The following ABCA1 variants were observed in gnomAD, a reference collection of about 807,000 sequenced individuals.
ABCA1 encodes phospholipid-transporting ATPase ABCA1.
Under a neutral mutation model 262.5 loss-of-function variants are expected in ABCA1, and 133 were observed. The observed-to-expected ratio is 0.51, with a 90% CI of 0.44 to 0.59. The LOEUF (loss-of-function observed/expected upper bound fraction) is 0.59. ABCA1 is among the 20% of genes least tolerant of loss of function. ABCA1 has a pLI of 0.00. For missense variants in ABCA1, 2,452 were observed against 2,777.5 expected (o/e 0.88, Z 2.63); for synonymous variants, 1,022 against 1,043.5 (o/e 0.98, Z 0.40).
intron 31 of ABCA1, among the ~76,000 whole-genome samples, chr9:104,805,856 G>A (rs1317329910): frequency 6.6e-6 from 1 of 152,222 alleles, no homozygotes; most frequent in East Asian, 1.9e-4. Flanking sequence ...TGTAATCCCA[G>A]CACTTTGGGA....
At chr9:104,915,577 AC>A (rs1486586161) in intron 1 of ABCA1, among the ~76,000 whole-genome samples, 1 of 152,194 alleles carries the variant, frequency 6.6e-6, no homozygotes, top group Non-Finnish European at 1.5e-5. Flanking sequence ...AGAGGATCCT[AC>A]AAAAGGATCT....
chr9:104,874,669 T>G (rs1477998938), intron 5 of ABCA1, among the ~76,000 whole-genome samples: 1 of 152,016 alleles, frequency 6.6e-6, no homozygotes, highest in Non-Finnish European at 1.5e-5. Flanking sequence ...GGCAGGTGGA[T>G]CAACAGGTCA....
In ABCA1 at chr9:104,831,149, T is replaced by TAA. The variant is rs34121951; in HGVS notation, c.1716-50_1716-49dup. 0.069 allele frequency: 62,048 copies of TAA among 905,768 alleles called. 1,512 individuals are homozygous for TAA. Among genetic ancestry groups the TAA allele is most frequent in the East Asian group, 0.25 (6,010 of 24,348 alleles). The allele number at this position is 905,768 out of a possible 1,614,324, so 56.1% of individuals were successfully genotyped here. On this transcript the variant is annotated intron_variant, in intron 13 of 49. Coordinates refer to ENST00000374736, the MANE Select transcript of ABCA1 (RefSeq NM_005502.4). ...CAACCATTCCTTTAGAACCATACAA[T>TAA]AAAAAAAAAAAAAAAAAAAAATTGC...
rs149707413 is a variant in ABCA1 at position 104,829,856 on chromosome 9, T to C, written c.1893-718A>G. 1.6e-3 allele frequency among the ~76,000 whole-genome samples: 245 copies of C among 152,002 alleles called. 4 individuals are homozygous for C. In the East Asian group the frequency reaches 0.021, roughly 13 times the overall value. On this transcript the variant is annotated intron_variant, in intron 14 of 49. Transcript: ENST00000374736. ...AATTTCTGGTGACCTTGAAAAGCTA[T>C]AGATAGCCATACAAGGAAACACACT...
chr9:104,834,296 T>G (rs1490863653), intron 11 of ABCA1, among the ~76,000 whole-genome samples: 1 of 149,562 alleles, frequency 6.7e-6, no homozygotes, highest in East Asian at 2.2e-4. Flanking sequence ...TGGGGGTGGG[T>G]GGAATGGAGG....
At chr9:104,906,512 G>A (rs1841150163) in intron 1 of ABCA1, among the ~76,000 whole-genome samples, 3 of 152,090 alleles carry the variant, frequency 2.0e-5, no homozygotes, top group Admixed American at 2.0e-4. Flanking sequence ...GTTCTACCGT[G>A]GCTTTGCTGG....
chr9:104,812,960 T>C (rs995556896), intron 27 of ABCA1, among the ~76,000 whole-genome samples: 6 of 152,190 alleles, frequency 3.9e-5, no homozygotes, highest in Admixed American at 3.9e-4. Context: ...AAAAGAAAGG[T>C]GTCTTGAGAC....
At chr9:104,797,626 G>A (rs1292337740) in intron 37 of ABCA1, among the ~76,000 whole-genome samples, 2 of 152,200 alleles carry the variant, frequency 1.3e-5, no homozygotes, top group African/African-American at 2.4e-5. Context: ...GATCAGAAGA[G>A]TGACACAGTC....
intron 5 of ABCA1, among the ~76,000 whole-genome samples, chr9:104,874,599 A>C (rs1225117861): frequency 6.6e-6 from 1 of 152,058 alleles, no homozygotes; most frequent in Non-Finnish European, 1.5e-5. Context: ...ACAAACAAAC[A>C]AAAAAACAGA....
chr9:104,817,245 C>A lies in ABCA1; in HGVS notation c.3535+87G>T. The A allele has an allele frequency of 1.2e-6, 2 of 1,610,444 alleles. No individual in the cohort carries two copies. Among genetic ancestry groups the A allele is most frequent in the Non-Finnish European group, 1.7e-6 (2 of 1,178,780 alleles). On this transcript the variant is annotated intron_variant, in intron 24 of 49. Transcript: ENST00000374736. This position sits in a 1 kb window ranked among gnomAD's most constrained non-coding sequence, Gnocchi z 4.7. Reference sequence around the variant, plus strand: ...GCAAACCTTGAGTCAGCGCCACCAGCCTCTGCACCTCTCCTCCTCTGCCTC... The same window carrying A: ...GCAAACCTTGAGTCAGCGCCACCAGACTCTGCACCTCTCCTCCTCTGCCTC...
At chr9:104,860,559 G>C (rs1405171258) in intron 6 of ABCA1, among the ~76,000 whole-genome samples, 2 of 151,952 alleles carry the variant, frequency 1.3e-5, no homozygotes, top group Admixed American at 6.6e-5. Context: ...CACGAGATAG[G>C]GGAGGAAGCA....
At chr9:104,849,520 C>T (rs1163365708) in intron 7 of ABCA1, among the ~76,000 whole-genome samples, 1 of 152,154 alleles carries the variant, frequency 6.6e-6, no homozygotes, top group East Asian at 1.9e-4. Context: ...AAGTGCTCAG[C>T]ATTTACTAAT....
chr9:104,876,782 G>A (rs761467351), intron 5 of ABCA1, among the ~76,000 whole-genome samples: 2 of 152,182 alleles, frequency 1.3e-5, no homozygotes, highest in South Asian at 2.1e-4. Context: ...GGGGCACAGC[G>A]ATGGCAGGTG....
rs147614624 is a variant in ABCA1, at chr9:104,890,008, C to T, written c.67-813G>A. ...AACCCTGCCTCAGTGAGTTACCAGG[C>T]GATAAATTAGCAGACGGACAAGATG... On this transcript the variant is annotated intron_variant, in intron 2 of 49. Coordinates refer to ENST00000374736, the MANE Select transcript of ABCA1 (RefSeq NM_005502.4). Among the ~76,000 whole-genome samples, 375 of 152,236 alleles carry T rather than the reference C, an allele frequency of 2.5e-3. 2 individuals are homozygous for T. Among genetic ancestry groups the T allele is most frequent in the South Asian group, 0.019 (92 of 4,826 alleles).
chr9:104,789,231 G>A (rs962154158), intron 44 of ABCA1, among the ~76,000 whole-genome samples: 18 of 152,304 alleles, frequency 1.2e-4, no homozygotes, highest in East Asian at 1.9e-4. Context: ...CGTGGACACC[G>A]TGCCAGGCCC....
chr9:104,913,008 C>G (rs955006468), intron 1 of ABCA1, among the ~76,000 whole-genome samples: 3 of 152,088 alleles, frequency 2.0e-5, no homozygotes, highest in Non-Finnish European at 4.4e-5. Flanking sequence ...GGACGGTTTT[C>G]CAAGAGAATT....
At chr9:104,825,638 C>G (rs371758075) in intron 17 of ABCA1, 45 bp downstream of exon 17, 5 of 1,585,322 alleles carry the variant, frequency 3.2e-6, no homozygotes, top group Non-Finnish European at 4.3e-6. Flanking sequence ...GAAAGGACAT[C>G]AGCTAGAAGT....
At chr9:104,799,787 CA>C (rs1483776095) in intron 36 of ABCA1, 31 bp downstream of exon 36, 2 of 1,614,112 alleles carry the variant, frequency 1.2e-6, no homozygotes, top group Non-Finnish European at 1.7e-6. Flanking sequence ...TCCCTTGCCC[CA>C]CTCCATCTAT....
At chr9:104,903,890 G>C in intron 1 of ABCA1, 119 bp from the exon 2 acceptor site, 1 of 611,278 alleles carries the variant, frequency 1.6e-6, no homozygotes, top group Non-Finnish European at 2.9e-6. Context: ...TCTGCATCAT[G>C]ACTGCTTCTC....
Sources: gnomAD v4.1 joint callset for allele counts (sites outside exome capture counted in the v4.1 genomes callset) on GRCh38, gnomAD v4.1.1 for gene constraint, Gnocchi (gnomAD v3.1) non-coding constraint, MANE v1.5 for transcripts, NCBI Gene and HGNC (gene_info 2026-07-23, HGNC 2026-07-21) for gene names.